The following EBF1 variants were observed in gnomAD, a reference collection of about 807,000 sequenced individuals.
The protein encoded by EBF1 is transcription factor COE1.
A neutral mutation model predicts 68.4 loss-of-function variants in EBF1; 10 were observed. That is an observed-to-expected ratio of 0.15 (90% CI 0.09 to 0.25). EBF1 has a LOEUF of 0.25. Among genes scored for constraint, EBF1 ranks in the 10% least tolerant of loss-of-function variants. The pLI, the probability that EBF1 is intolerant of heterozygous loss-of-function variation, is 1.00. For synonymous variants in EBF1, 298 were observed against 299.8 expected (o/e 0.99, Z 0.06); for missense variants, 509 against 794.4 (o/e 0.64, Z 4.32).
chr5:158,702,801 G>C (rs1019840708), intron 15 of EBF1, among the ~76,000 whole-genome samples: 1 of 151,492 alleles, frequency 6.6e-6, no homozygotes, highest in Non-Finnish European at 1.5e-5. Context: ...CAGGAACAGG[G>C]GGGTAAGTGA....
intron 6 of EBF1, among the ~76,000 whole-genome samples, chr5:159,012,179 C>T (rs780661876): frequency 3.2e-4 from 48 of 151,926 alleles, no homozygotes; most frequent in Non-Finnish European, 5.9e-4. Context: ...CCCAGCTACT[C>T]GGGAGGCTGA....
At chr5:159,090,034 T>C (rs1328102444) in intron 4 of EBF1, among the ~76,000 whole-genome samples, 1 of 152,044 alleles carries the variant, frequency 6.6e-6, no homozygotes, top group Non-Finnish European at 1.5e-5. Flanking sequence ...CCAAACCTAC[T>C]TTGTCACCTA....
At chr5:158,949,622 GACCC>G (rs919267894) in intron 6 of EBF1, among the ~76,000 whole-genome samples, 1 of 152,198 alleles carries the variant, frequency 6.6e-6, no homozygotes, top group African/African-American at 2.4e-5. Flanking sequence ...ATAAAAAGGT[GACCC>G]ACACCCAATC....
intron 8 of EBF1, among the ~76,000 whole-genome samples, chr5:158,818,947 A>AC (rs1784291821): frequency 1.3e-5 from 2 of 151,284 alleles, no homozygotes; most frequent in South Asian, 4.2e-4. Context: ...AAAAAAAAAA[A>AC]CTAGATCTAA....
At chr5:158,934,144 T>C (rs992615281) in intron 6 of EBF1, among the ~76,000 whole-genome samples, 1 of 152,168 alleles carries the variant, frequency 6.6e-6, no homozygotes, top group African/African-American at 2.4e-5. Context: ...AGTGTGTATG[T>C]GGTATGATTA....
chr5:159,051,051 G>C (rs189182144), intron 6 of EBF1, among the ~76,000 whole-genome samples: 30 of 152,136 alleles, frequency 2.0e-4, no homozygotes, highest in Non-Finnish European at 3.2e-4. Context: ...AAGTGTTAAA[G>C]TCCCTACATT....
intron 11 of EBF1, among the ~76,000 whole-genome samples, chr5:158,718,903 T>C (rs547040441): frequency 1.3e-5 from 2 of 152,296 alleles, no homozygotes; most frequent in South Asian, 4.1e-4. Flanking sequence ...TCTCCATAGC[T>C]AGACTGCAGA....
intron 6 of EBF1, among the ~76,000 whole-genome samples, chr5:159,045,362 C>T (rs1205269308): frequency 6.6e-6 from 1 of 151,880 alleles, no homozygotes; most frequent in Non-Finnish European, 1.5e-5. Context: ...TCCCTCCCTC[C>T]TTTTTTCTCC....
intron 6 of EBF1, among the ~76,000 whole-genome samples, chr5:158,894,855 C>T (rs1038348281): frequency 3.9e-5 from 6 of 152,180 alleles, no homozygotes; most frequent in Admixed American, 2.6e-4. Context: ...AATTCGCCCA[C>T]ATCTCTAAGC....
At chr5:158,982,262 T>C (rs535211135) in intron 6 of EBF1, among the ~76,000 whole-genome samples, 2 of 152,358 alleles carry the variant, frequency 1.3e-5, no homozygotes, top group African/African-American at 2.4e-5. Flanking sequence ...ATTTATTAAA[T>C]AAACATTAGC....
chr5:158,836,146 G>C (rs2127947741), intron 7 of EBF1, among the ~76,000 whole-genome samples: 1 of 152,314 alleles, frequency 6.6e-6, no homozygotes, highest in Admixed American at 6.5e-5. Flanking sequence ...GAGGATGACA[G>C]TGAGTTCAGT....
intron 10 of EBF1, among the ~76,000 whole-genome samples, chr5:158,752,638 A>T (rs576783986): frequency 6.6e-6 from 1 of 152,226 alleles, no homozygotes; most frequent in African/African-American, 2.4e-5. Flanking sequence ...CTGTTTTTAG[A>T]TACTGTCCAT....
At chr5:159,028,303 A>G (rs1182048887) in intron 6 of EBF1, among the ~76,000 whole-genome samples, 2 of 152,218 alleles carry the variant, frequency 1.3e-5, no homozygotes, top group Non-Finnish European at 2.9e-5. Flanking sequence ...ACTTGGTGAC[A>G]AGGAAGAGAG....
At chr5:159,080,229 C>T (rs1779509004) in intron 5 of EBF1, among the ~76,000 whole-genome samples, 1 of 152,078 alleles carries the variant, frequency 6.6e-6, no homozygotes, top group Admixed American at 6.6e-5. Context: ...CTTCATGCAC[C>T]CTCTAAAATC....
chr5:158,902,519 A>AG (rs1012861579), intron 6 of EBF1, among the ~76,000 whole-genome samples: 2 of 151,202 alleles, frequency 1.3e-5, no homozygotes, highest in African/African-American at 4.9e-5. Flanking sequence ...CCTTGAACTC[A>AG]GGGATCAAGC....
intron 6 of EBF1, among the ~76,000 whole-genome samples, chr5:158,975,155 C>T (rs556709758): frequency 3.4e-4 from 52 of 152,280 alleles, no homozygotes; most frequent in Non-Finnish European, 6.5e-4. Context: ...GGGGAAAACC[C>T]TCTTTATCCC....
chr5:158,885,014 C>A (rs75663070), intron 6 of EBF1, among the ~76,000 whole-genome samples: 1 of 152,306 alleles, frequency 6.6e-6, no homozygotes, highest in East Asian at 1.9e-4. Flanking sequence ...GTGCTCCAGG[C>A]AGCAGATGCA....
intron 6 of EBF1, among the ~76,000 whole-genome samples, chr5:159,049,822 G>A (rs886288076): frequency 1.3e-5 from 2 of 152,098 alleles, no homozygotes; most frequent in Admixed American, 6.5e-5. Flanking sequence ...ATATCACATC[G>A]TGTTCTTGGG....
chr5:158,759,540 T>C (rs1770929645), intron 10 of EBF1, among the ~76,000 whole-genome samples: 1 of 152,148 alleles, frequency 6.6e-6, no homozygotes, highest in Non-Finnish European at 1.5e-5. Flanking sequence ...AATGATAGCA[T>C]AGCGTGAGCG....
Sources: allele counts gnomAD v4.1 joint callset (sites outside exome capture counted in the v4.1 genomes callset), GRCh38; gene constraint gnomAD v4.1.1; transcripts MANE v1.5; gene names NCBI Gene and HGNC (gene_info 2026-07-23, HGNC 2026-07-21).